The following SLC35E4 variants were observed in gnomAD, a reference collection of about 807,000 sequenced individuals.
SLC35E4 encodes the protein solute carrier family 35 member E4.
In SLC35E4, 15 loss-of-function variants were observed where a neutral mutation model predicts 19.3. The ratio of observed to expected loss-of-function variants is 0.78; its 90% CI spans 0.52 to 1.20. The LOEUF (loss-of-function observed/expected upper bound fraction) is 1.20. Ranked by LOEUF, SLC35E4 falls within the 50% of genes most tolerant of loss-of-function variation. The pLI is 0.00. For missense variants in SLC35E4, 406 were observed against 472.3 expected, an observed-to-expected ratio of 0.86 and a Z score of 1.30; for synonymous variants, 219 against 219.9, an observed-to-expected ratio of 1.00 and a Z score of 0.04.
chr22:30,636,439 T>C lies in SLC35E4; in HGVS notation c.-12T>C. 1 of 1,472,710 alleles carries C rather than the reference T, an allele frequency of 6.8e-7. No individual in the cohort carries two copies. The allele number at this position is 1,472,710 out of a possible 1,614,324, so 91.2% of individuals were successfully genotyped here. A position where few individuals can be genotyped will look rare whatever the true frequency, so the allele number is the denominator to read the frequency against. On this transcript the variant is annotated 5_prime_UTR_variant, in exon 1 of 2. Coordinates refer to ENST00000343605, the MANE Select transcript of SLC35E4 (RefSeq NM_001001479.4). ...GGGGAGCCCGCCTCCTGCCCTAGCC[T>C]CACTGGTGCGGATGTGCCGCTGCCC...
At chr22:30,643,266 CTG>C (rs749626894) in intron 1 of SLC35E4, among the ~76,000 whole-genome samples, 4 of 152,230 alleles carry the variant, frequency 2.6e-5, no homozygotes, top group Non-Finnish European at 4.4e-5. Flanking sequence ...CTCAACCCCT[CTG>C]AGCTCTCAGG....
chr22:30,664,961 G>C (rs562038581), downstream of SLC35E4: 1 of 152,654 alleles, frequency 6.6e-6, no homozygotes, highest in Admixed American at 6.5e-5. Context: ...TCACCTGCTC[G>C]ATAGGCTCAG....
At chr22:30,649,458 G>C (rs2088177862), downstream of SLC35E4, among the ~76,000 whole-genome samples, 2 of 152,214 alleles carry the variant, frequency 1.3e-5, no homozygotes, top group Admixed American at 1.3e-4. Flanking sequence ...GCAAGTGCTA[G>C]ACAGGGCTGA....
intron 2 of SLC35E4, among the ~76,000 whole-genome samples, chr22:30,659,163 T>C (rs1179774592): frequency 6.8e-6 from 1 of 146,152 alleles, no homozygotes; most frequent in East Asian, 2.0e-4. Context: ...ACTGAACTGA[T>C]ACTGGAACTA....
At chr22:30,648,210 A>G (rs1349838053), downstream of SLC35E4, among the ~76,000 whole-genome samples, 1 of 151,818 alleles carries the variant, frequency 6.6e-6, no homozygotes, top group Non-Finnish European at 1.5e-5. Context: ...AGAATTTCCT[A>G]CCCCAGACCC....
At chr22:30,662,105 C>T (rs1334822615) in exon 3 of SLC35E4, 1 of 146,988 alleles carries the variant, frequency 6.8e-6, no homozygotes, top group Non-Finnish European at 1.5e-5. Context: ...GTGCTGTGCA[C>T]AGAAAGGAGA....
exon 3 of SLC35E4, chr22:30,668,949 A>G (rs1217007049): frequency 1.3e-5 from 2 of 152,156 alleles, no homozygotes; most frequent in Non-Finnish European, 2.9e-5. Flanking sequence ...TGCACCACTG[A>G]GTGGGTGAAG....
At chr22:30,648,984 G>A (rs2088173404), downstream of SLC35E4, among the ~76,000 whole-genome samples, 3 of 152,176 alleles carry the variant, frequency 2.0e-5, no homozygotes, top group South Asian at 2.1e-4. Flanking sequence ...GCCAGCTGGC[G>A]TCAGCTTTGT....
downstream of SLC35E4, among the ~76,000 whole-genome samples, chr22:30,650,738 C>T (rs147290987): frequency 2.5e-3 from 381 of 152,254 alleles, 3 homozygotes; most frequent in South Asian, 5.8e-3. Context: ...CAAGGCTTCT[C>T]GTGTTATCTG....
At chr22:30,639,198 T>C (rs1681099184) in intron 1 of SLC35E4, among the ~76,000 whole-genome samples, 1 of 152,162 alleles carries the variant, frequency 6.6e-6, no homozygotes, top group African/African-American at 2.4e-5. Context: ...AGACATCATA[T>C]GTCGGCAGGT....
downstream of SLC35E4, chr22:30,667,226 G>A (rs918461634): frequency 2.6e-5 from 4 of 152,176 alleles, no homozygotes; most frequent in Non-Finnish European, 5.9e-5. Context: ...AAAAGGACTT[G>A]TTCAGAACGA....
chr22:30,651,371 T>TTTTTTGTG (rs1555899345), downstream of SLC35E4, among the ~76,000 whole-genome samples: 15 of 41,228 alleles, frequency 3.6e-4, 1 homozygote, highest in African/African-American at 1.4e-3. Context: ...TGGCTAATTT[T>TTTTTTGTG]TGTGTGTGTG....
At chr22:30,664,522 G>C (rs868096223), downstream of SLC35E4, among the ~76,000 whole-genome samples, 1 of 152,260 alleles carries the variant, frequency 6.6e-6, no homozygotes, top group Middle Eastern at 3.4e-3. Context: ...CTCTGAGTGG[G>C]AACCATTTGT....
At chr22:30,663,950 GCTGA>G, downstream of SLC35E4, 2 of 1,614,068 alleles carry the variant, frequency 1.2e-6, no homozygotes, top group East Asian at 4.5e-5. Context: ...GCGAGAGGCC[GCTGA>G]CTGAGGGCTG....
intron 2 of SLC35E4, among the ~76,000 whole-genome samples, chr22:30,653,598 C>T (rs868224416): frequency 6.6e-6 from 1 of 151,646 alleles, no homozygotes; most frequent in Non-Finnish European, 1.5e-5. Flanking sequence ...GTCTCGAACT[C>T]CTGATCTCAA....
intron 2 of SLC35E4, among the ~76,000 whole-genome samples, chr22:30,658,445 CTG>C (rs1366694121): frequency 6.6e-6 from 1 of 151,662 alleles, no homozygotes; most frequent in South Asian, 2.1e-4. Context: ...ACCTAAAACT[CTG>C]ACAAAGCGGA....
Position 30,647,683 on chromosome 22 carries a change from A to G in SLC35E4, c.*652A>G, listed in dbSNP as rs1205389133. 6.6e-6 allele frequency: 1 copy of G among 152,246 alleles called. No individual in the cohort carries two copies. The highest frequency in any genetic ancestry group is 1.5e-5 in the Non-Finnish European group (1 of 68,072). 9.4% of individuals were successfully genotyped at this position (152,246 alleles called of 1,614,324 possible). A position where few individuals can be genotyped will look rare whatever the true frequency, so the allele number is the denominator to read the frequency against. On this transcript the variant is annotated 3_prime_UTR_variant, in exon 2 of 2. Transcript: ENST00000343605. ...CAAACTTTGAAGACCTCAACTTGTT[A>G]CAATGACGATGATGATGATTCTTGG...
chr22:30,661,966 G>A (rs919948525), intron 2 of SLC35E4: 7 of 151,884 alleles, frequency 4.6e-5, no homozygotes, highest in Admixed American at 1.3e-4. Context: ...TAAACAAGAC[G>A]GAAGCTCTCA....
intron 2 of SLC35E4, among the ~76,000 whole-genome samples, chr22:30,655,363 G>A (rs1394806858): frequency 1.4e-5 from 2 of 146,126 alleles, no homozygotes; most frequent in Admixed American, 1.4e-4. Context: ...AGGCTGAGAT[G>A]GGAGGCTGCA....
Sources: allele counts gnomAD v4.1 joint callset (sites outside exome capture counted in the v4.1 genomes callset), GRCh38; gene constraint gnomAD v4.1.1; transcripts MANE v1.5; gene names NCBI Gene and HGNC (gene_info 2026-07-23, HGNC 2026-07-21).